PKD1: variants seen among roughly 807,000 people sequenced by gnomAD.
PKD1 encodes the protein polycystin 1, transient receptor potential channel interacting, also known as polycystin-1.
A neutral mutation model predicts 361.7 loss-of-function variants in PKD1; 81 were observed. The observed-to-expected ratio is 0.22, with a 90% confidence interval of 0.19 to 0.27. The LOEUF is 0.27. Ranked by LOEUF, PKD1 falls within the 10% of genes least tolerant of loss-of-function variation. The pLI, the probability that PKD1 is intolerant of heterozygous loss-of-function variation, is 1.00. For missense variants in PKD1, 6,399 were observed against 6,118.3 expected, an observed-to-expected ratio of 1.05 and a Z score of -1.53; for synonymous variants, 3,615 against 2,818.3, an observed-to-expected ratio of 1.28 and a Z score of -8.95.
chr16:2,131,418 G>C (rs746564006), intron 1 of PKD1, among the ~76,000 whole-genome samples: 11 of 152,158 alleles, frequency 7.2e-5, no homozygotes, highest in Non-Finnish European at 1.2e-4. Context: ...TGAGGCAGGA[G>C]AATGGCGTGA....
In PKD1 at chr16:2,110,792, G is replaced by A. The variant is rs1261601750; in HGVS notation, c.4375C>T (p.Leu1459=). The part of the protein sequence containing the change: ...NNISAANDSA[L]VEVQEPVLVT... ...AGCACGGGCTCCTGCACCTCCACCA[G>A]GGCTGAGTCATTGGCAGCAGAGATG... The change falls in exon 15 of 46, where the codon CTG becomes TTG. Residue 1459 remains leucine, a synonymous_variant. Transcript: ENST00000262304. 1.9e-6 allele frequency: 3 copies of A among 1,611,224 alleles called. No homozygotes were observed. Among genetic ancestry groups the A allele is most frequent in the African/African-American group, 1.3e-5 (1 of 74,992 alleles).
chr16:2,099,521 C>T (rs2091998262), intron 30 of PKD1, 123 bp downstream of exon 30: 1 of 795,092 alleles, frequency 1.3e-6, no homozygotes, highest in East Asian at 2.7e-5. Context: ...GTTGACCCTT[C>T]CCGAGCAGCC....
At position 2,122,774 on chromosome 16, in the gene PKD1, G is replaced by C. The variant is rs531711623; in HGVS notation, c.216-3396C>G. ...TGAGGCACCGGGACCCGAGGCGCAG[G>C]AGCCCTAAGGGGCGAGAGGTGCTGC... is the stretch of plus-strand genomic sequence containing the variant. On this transcript the variant is annotated intron_variant, in intron 1 of 45. Transcript: ENST00000262304. Among the ~76,000 whole-genome samples, 450 of 152,328 alleles carry C rather than the reference G, an allele frequency of 3.0e-3. 2 individuals are homozygous for C. Among genetic ancestry groups the C allele is most frequent in the African/African-American group, 1.0e-2 (415 of 41,556 alleles).
At chr16:2,108,230 G>A (rs201584689) in intron 15 of PKD1, 22 bp downstream of exon 15, 1,213 of 1,586,648 alleles carry the variant, frequency 7.6e-4, no homozygotes, top group Admixed American at 1.8e-3. Context: ...GGGCATGGAG[G>A]ACGGCCCTGC....
rs3896479 is a variant in PKD1 at position 2,097,796 on chromosome 16, T to C, written c.10168-16A>G. On this transcript the variant is annotated splice_polypyrimidine_tract_variant and intron_variant, in intron 31 of 45. Transcript: ENST00000262304. Reference sequence around the variant, plus strand: ...CAAAGGCCTGCTGAGAGGTGCACAGTGTCTTGAGTCCAAGCTGCGCCAAGG... The same window carrying C: ...CAAAGGCCTGCTGAGAGGTGCACAGCGTCTTGAGTCCAAGCTGCGCCAAGG... 4 of 1,611,244 alleles carry C rather than the reference T, an allele frequency of 2.5e-6. No individual in the cohort carries two copies. Among genetic ancestry groups the C allele is most frequent in the East Asian group, 4.5e-5 (2 of 44,898 alleles).
rs570557165 is a variant in PKD1 at position 2,089,507 on chromosome 16, G to T, written c.*220C>A. ...AGGCTAGAAACCGTCCAATACTGCT[G>T]TGTCCTTCCCAAGGGAGCTGGGGAG... On this transcript the variant is annotated 3_prime_UTR_variant, in exon 46 of 46. Transcript: ENST00000262304. 2 of 604,328 alleles carry T rather than the reference G, an allele frequency of 3.3e-6. No individual in the cohort carries two copies. Among genetic ancestry groups the T allele is most frequent in the South Asian group, 3.9e-5 (2 of 51,200 alleles). 37.4% of individuals were successfully genotyped at this position (604,328 alleles called of 1,614,324 possible).
At chr16:2,098,438 T>C (rs1213394302) in intron 30 of PKD1, among the ~76,000 whole-genome samples, 2 of 150,110 alleles carry the variant, frequency 1.3e-5, no homozygotes, top group Non-Finnish European at 1.5e-5. Context: ...TTGGAACTCC[T>C]GACCTCAAGT....
At chr16:2,102,732 C>T (rs963755268) in intron 24 of PKD1, 82 bp downstream of exon 24, 26 of 1,604,290 alleles carry the variant, frequency 1.6e-5, no homozygotes, top group Non-Finnish European at 2.0e-5. Flanking sequence ...CGCTGCCTGC[C>T]GTCCCCATGG....
In PKD1 at chr16:2,111,297, C is replaced by A. The variant is rs1186275945; in HGVS notation, c.3870G>T (p.Leu1290=). Residue 1290 remains leucine (L), a synonymous_variant, in exon 15 of 46, where the codon CTG becomes CTT. Transcript: ENST00000262304. ...AGHLARSLHV[L]VFVLEVLRVE... Reference sequence around the variant, plus strand: ...CGCGCAGCACCTCCAGGACGAAGACCAGCACGTGCAGGCTCCGGGCCAGGT... The same window carrying A: ...CGCGCAGCACCTCCAGGACGAAGACAAGCACGTGCAGGCTCCGGGCCAGGT... 6 of 1,609,310 alleles carry A rather than the reference C, an allele frequency of 3.7e-6. No individual in the cohort carries two copies. Among genetic ancestry groups the A allele is most frequent in the Non-Finnish European group, 5.1e-6 (6 of 1,179,316 alleles).
intron 1 of PKD1, among the ~76,000 whole-genome samples, chr16:2,122,860 G>C (rs1188348897): frequency 1.3e-5 from 2 of 152,202 alleles, no homozygotes; most frequent in East Asian, 1.9e-4. Context: ...AACTGCCCCA[G>C]GGAGGGGCAC....
At chr16:2,115,739 T>A in intron 9 of PKD1, 114 bp from the exon 10 acceptor site, 1 of 1,084,846 alleles carries the variant, frequency 9.2e-7, no homozygotes, top group East Asian at 2.5e-5. Context: ...TCTCCCCACC[T>A]GGGCAGCACT....
chr16:2,110,467 C>G lies in PKD1; in HGVS notation c.4700G>C (p.Ser1567Thr). 6.2e-7 allele frequency: 1 copy of G among 1,612,536 alleles called. No individual in the cohort carries two copies. Among genetic ancestry groups the G allele is most frequent in the South Asian group, 1.1e-5 (1 of 91,078 alleles). Residue 1567 changes from serine (S) to threonine (T), a missense_variant, in exon 15 of 46, where the codon AGC (serine) becomes ACC (threonine). By Grantham distance (58) the Ser-to-Thr change is moderately conservative. Transcript: ENST00000262304. ...RTVVPLNGSV[S>T]FSTSLEAGSD... Reference sequence around the variant, plus strand: ...GCCGGCCTCCAGCGACGTGCTGAAGCTCACGCTCCCATTCAGGGGCACCAC... The same window carrying G: ...GCCGGCCTCCAGCGACGTGCTGAAGGTCACGCTCCCATTCAGGGGCACCAC...
intron 26 of PKD1, among the ~76,000 whole-genome samples, chr16:2,101,130 C>G (rs1347918279): frequency 3.3e-5 from 5 of 152,028 alleles, no homozygotes; most frequent in Admixed American, 3.3e-4. Context: ...GGACTACAGG[C>G]GCCTGCCACT....
chr16:2,091,340 T>TGG (rs2091558185), intron 42 of PKD1, 83 bp downstream of exon 42: 3 of 453,198 alleles, frequency 6.6e-6, no homozygotes, highest in Admixed American at 2.4e-4. Flanking sequence ...CTGCGAGGGG[T>TGG]GAGACGCTGC....
intron 38 of PKD1, 179 bp downstream of exon 38, chr16:2,092,775 G>A: frequency 1.2e-6 from 1 of 857,780 alleles, no homozygotes; most frequent in South Asian, 1.4e-5. Context: ...GGCCCGTCCT[G>A]TGCACTGCAA....
rs771223949 is a variant in PKD1, at chr16:2,106,037, G to A, written c.7704-13C>T. On this transcript the variant is annotated splice_polypyrimidine_tract_variant and intron_variant, in intron 19 of 45. Coordinates refer to ENST00000262304, the MANE Select transcript of PKD1 (RefSeq NM_001009944.3). The surrounding 1 kb of genome is among the most constrained non-coding windows in gnomAD (Gnocchi z 6.5). ...GATGGCCAAAGACCTACGAGCAGAG[G>A]GGGGTGGTGAGCAGGTGGCAGTCTC... is the stretch of plus-strand genomic sequence containing the variant. The A allele has an allele frequency of 8.1e-6, 13 of 1,606,852 alleles. No homozygotes were observed. Among genetic ancestry groups the A allele is most frequent in the South Asian group, 6.6e-5 (6 of 90,986 alleles).
At position 2,110,906 on chromosome 16, in the gene PKD1, C is replaced by G; in HGVS notation, c.4261G>C (p.Ala1421Pro). 6.2e-7 allele frequency: 1 copy of G among 1,611,422 alleles called. No homozygotes were observed. The highest frequency in any genetic ancestry group is 8.5e-7 in the Non-Finnish European group (1 of 1,179,846). The change falls in exon 15 of 46, where the codon GCC becomes CCC. Residue 1421 changes from alanine to proline, a missense_variant. Coordinates refer to ENST00000262304, the MANE Select transcript of PKD1 (RefSeq NM_001009944.3). Reference sequence around the variant, plus strand: ...GGGCCCCTGGCACGGGTGGGGGCGGCTTCCTCGGTGCCAAAGTCCCAGGTG... The same window carrying G: ...GGGCCCCTGGCACGGGTGGGGGCGGGTTCCTCGGTGCCAAAGTCCCAGGTG... Reference protein sequence around the residue: ...RYTWDFGTEEAAPTRARGPEV... With the variant: ...RYTWDFGTEEPAPTRARGPEV...
rs375951541 is a variant in PKD1, at chr16:2,102,806, G to T, written c.8948+8C>A. On this transcript the variant is annotated splice_region_variant and intron_variant, in intron 24 of 45. Transcript: ENST00000262304. Reference sequence around the variant, plus strand: ...CCCTGCCCTGCCAGGCTGGCCCGCAGAGCTCACCCCGGGGAAATGAAGAAG... The same window carrying T: ...CCCTGCCCTGCCAGGCTGGCCCGCATAGCTCACCCCGGGGAAATGAAGAAG... 3 of 1,609,980 alleles carry T rather than the reference G, an allele frequency of 1.9e-6. No homozygotes were observed. Among genetic ancestry groups the T allele is most frequent in the Non-Finnish European group, 1.7e-6 (2 of 1,179,764 alleles).
At chr16:2,119,998 G>T in intron 1 of PKD1, 1 of 595,202 alleles carries the variant, frequency 1.7e-6, no homozygotes. Flanking sequence ...GATCGCCTGG[G>T]CCCAGGATTT....
Sources: gnomAD v4.1 joint callset for allele counts (sites outside exome capture counted in the v4.1 genomes callset) on GRCh38, gnomAD v4.1.1 for gene constraint, Gnocchi (gnomAD v3.1) non-coding constraint, MANE v1.5 for transcripts, NCBI Gene and HGNC (gene_info 2026-07-23, HGNC 2026-07-21) for gene names.